The following MEGF10 variants were observed in gnomAD, a reference collection of about 807,000 sequenced individuals.
The protein encoded by MEGF10 is multiple EGF like domains 10, also known as multiple epidermal growth factor-like domains protein 10.
A neutral mutation model predicts 147.5 loss-of-function variants in MEGF10; 86 were observed. The observed-to-expected ratio is 0.58, with a 90% CI of 0.49 to 0.70. The LOEUF (loss-of-function observed/expected upper bound fraction) is 0.70. MEGF10 is among the 30% of genes least tolerant of loss of function. The pLI is 0.00. For synonymous variants in MEGF10, 478 were observed against 525.5 expected, an observed-to-expected ratio of 0.91 and a Z score of 1.24; for missense variants, 1,329 against 1,487.3, an observed-to-expected ratio of 0.89 and a Z score of 1.75.
At chr5:127,404,153 A>G (rs1199184723) in intron 8 of MEGF10, among the ~76,000 whole-genome samples, 1 of 151,874 alleles carries the variant, frequency 6.6e-6, no homozygotes, top group Non-Finnish European at 1.5e-5. Flanking sequence ...GCTTGAGATT[A>G]TATCTCATTG....
chr5:127,433,311 G>A (rs368485617), intron 13 of MEGF10, 52 bp from the exon 14 acceptor site: 819 of 1,612,492 alleles, frequency 5.1e-4, no homozygotes, highest in Non-Finnish European at 6.5e-4. Context: ...TAGCATCTGC[G>A]GAAACTCCGC....
chr5:127,375,930 G>A (rs911014888), intron 5 of MEGF10, among the ~76,000 whole-genome samples: 1 of 152,250 alleles, frequency 6.6e-6, no homozygotes, highest in Non-Finnish European at 1.5e-5. Flanking sequence ...TGCATTGAAT[G>A]CTGGGGATAA....
intron 17 of MEGF10, among the ~76,000 whole-genome samples, chr5:127,440,469 C>G (rs558671778): frequency 6.6e-6 from 1 of 152,174 alleles, no homozygotes; most frequent in Non-Finnish European, 1.5e-5. Flanking sequence ...TTAGAAGGCA[C>G]TAGTCTTGCC....
At chr5:127,429,280 C>G (rs1440102950) in intron 13 of MEGF10, among the ~76,000 whole-genome samples, 1 of 152,148 alleles carries the variant, frequency 6.6e-6, no homozygotes, top group Non-Finnish European at 1.5e-5. Flanking sequence ...AAACACAGAC[C>G]TGAGCCCCTA....
In MEGF10 at chr5:127,454,707, G is replaced by T. The variant is rs1345859207; in HGVS notation, c.3025+97G>T. ...TTTTAAACAAGCTAGAATGGCAAGA[G>T]AAAATGTAGAATTTTTAGTGTGGTC... On this transcript the variant is annotated intron_variant, in intron 23 of 24. Transcript: ENST00000503335. 11 of 1,098,450 alleles carry T rather than the reference G, an allele frequency of 1.0e-5. No homozygotes were observed. The East Asian group carries it at 2.5e-4, about 25-fold the overall frequency. The allele number at this position is 1,098,450 out of a possible 1,614,324, so 68.0% of individuals were successfully genotyped here. A position where few individuals can be genotyped will look rare whatever the true frequency, so the allele number is the denominator to read the frequency against.
At chr5:127,309,345 A>G (rs1177630034) in intron 1 of MEGF10, among the ~76,000 whole-genome samples, 1 of 152,238 alleles carries the variant, frequency 6.6e-6, no homozygotes, top group African/African-American at 2.4e-5. Context: ...GGCATTTTAA[A>G]TACATTCACA....
intron 9 of MEGF10, among the ~76,000 whole-genome samples, chr5:127,415,220 A>G (rs955947161): frequency 1.3e-5 from 2 of 152,192 alleles, no homozygotes; most frequent in East Asian, 3.8e-4. Context: ...GGGTGATTGT[A>G]TATCAGGTTT....
the MEGF10 span, among the ~76,000 whole-genome samples, chr5:127,255,418 T>A: frequency 6.6e-6 from 1 of 152,196 alleles, no homozygotes; most frequent in South Asian, 2.1e-4. Flanking sequence ...CCTAATCTCA[T>A]AGCCTTTCAA....
At chr5:127,353,574 C>T (rs952773438) in intron 4 of MEGF10, among the ~76,000 whole-genome samples, 4 of 152,324 alleles carry the variant, frequency 2.6e-5, no homozygotes, top group Middle Eastern at 3.4e-3. Context: ...TTGTAAGCAG[C>T]GCTGCTTGCA....
intron 5 of MEGF10, among the ~76,000 whole-genome samples, chr5:127,373,641 G>A (rs974237883): frequency 1.3e-5 from 2 of 152,050 alleles, no homozygotes; most frequent in South Asian, 2.1e-4. Flanking sequence ...GTGCTGGTGT[G>A]GTCATTGCTA....
At chr5:127,326,029 C>T (rs1323261918) in intron 1 of MEGF10, among the ~76,000 whole-genome samples, 1 of 151,050 alleles carries the variant, frequency 6.6e-6, no homozygotes, top group Non-Finnish European at 1.5e-5. Context: ...TCACCCTATA[C>T]TCCACCCCTC....
the MEGF10 span, among the ~76,000 whole-genome samples, chr5:127,259,833 C>T: frequency 6.6e-6 from 1 of 152,096 alleles, no homozygotes; most frequent in South Asian, 2.1e-4. Context: ...TCTTAAACTA[C>T]CTAAGTGAAA....
At chr5:127,415,486 G>A (rs1655677138) in intron 9 of MEGF10, among the ~76,000 whole-genome samples, 1 of 152,176 alleles carries the variant, frequency 6.6e-6, no homozygotes, top group South Asian at 2.1e-4. Context: ...AGGAGGTGAG[G>A]AGATAGATGG....
intron 1 of MEGF10, among the ~76,000 whole-genome samples, chr5:127,330,073 G>A (rs555806707): frequency 2.5e-4 from 38 of 152,182 alleles, no homozygotes; most frequent in African/African-American, 9.1e-4. Context: ...CCATATCAGC[G>A]AGGGGCTAAC....
chr5:127,287,922 T>C (rs1051059419), upstream of MEGF10, among the ~76,000 whole-genome samples: 6 of 152,158 alleles, frequency 3.9e-5, no homozygotes, highest in South Asian at 4.1e-4. Context: ...AAAGGAATAA[T>C]GAGTGAATCC....
At chr5:127,307,908 A>G (rs1760089316) in intron 1 of MEGF10, among the ~76,000 whole-genome samples, 1 of 152,216 alleles carries the variant, frequency 6.6e-6, no homozygotes, top group Non-Finnish European at 1.5e-5. Flanking sequence ...ATGGGGTAAT[A>G]GAGCCCTGGG....
chr5:127,428,869 T>G (rs1452861337), intron 13 of MEGF10, among the ~76,000 whole-genome samples: 1 of 152,240 alleles, frequency 6.6e-6, no homozygotes, highest in African/African-American at 2.4e-5. Flanking sequence ...TGAATGCTGA[T>G]TTCACATTGA....
chr5:127,263,780 G>C, the MEGF10 span, among the ~76,000 whole-genome samples: 1 of 152,008 alleles, frequency 6.6e-6, no homozygotes, highest in African/African-American at 2.4e-5. Flanking sequence ...CGATTACCAA[G>C]GTACTTAACT....
At chr5:127,422,603 C>G in intron 12 of MEGF10, 67 bp from the exon 13 acceptor site, 1 of 1,271,616 alleles carries the variant, frequency 7.9e-7, no homozygotes, top group Non-Finnish European at 1.1e-6. Context: ...TGACAGTGGC[C>G]TTTTCCTCTT....
Sources: gnomAD v4.1 joint callset for allele counts (sites outside exome capture counted in the v4.1 genomes callset) on GRCh38, gnomAD v4.1.1 for gene constraint, MANE v1.5 for transcripts, NCBI Gene and HGNC (gene_info 2026-07-23, HGNC 2026-07-21) for gene names.